Variants in DERA observed in about 807,000 individuals in gnomAD.
DERA encodes 2-deoxy-D-ribose 5-phosphate aldolase.
Under a neutral mutation model 41.1 loss-of-function variants are expected in DERA, and 15 were observed. The ratio of observed to expected loss-of-function variants is 0.37; its 90% confidence interval spans 0.24 to 0.56. The LOEUF is 0.56. Ranked by LOEUF, DERA falls within the 20% of genes least tolerant of loss-of-function variation. The pLI, the probability that DERA is intolerant of heterozygous loss-of-function variation, is 0.81. For synonymous variants in DERA, 139 were observed against 137.4 expected, an observed-to-expected ratio of 1.01 and a Z score of -0.08; for missense variants, 396 against 403.4, an observed-to-expected ratio of 0.98 and a Z score of 0.16.
At chr12:15,951,846 AG>A (rs1948500000) in intron 1 of DERA, among the ~76,000 whole-genome samples, 1 of 152,104 alleles carries the variant, frequency 6.6e-6, no homozygotes, top group Non-Finnish European at 1.5e-5. Context: ...ATTTTTACTG[AG>A]TAATGTATCA....
intron 6 of DERA, among the ~76,000 whole-genome samples, chr12:16,002,824 C>A (rs1468367970): frequency 6.6e-6 from 1 of 152,182 alleles, no homozygotes; most frequent in Non-Finnish European, 1.5e-5. Flanking sequence ...GTGCCAGTTT[C>A]TTGGCTATGT....
chr12:16,007,298 C>T (rs1948918856), intron 6 of DERA, among the ~76,000 whole-genome samples: 3 of 151,886 alleles, frequency 2.0e-5, no homozygotes, highest in Non-Finnish European at 4.4e-5. Context: ...ATTCTTGTGC[C>T]TCAGCCTCCT....
At chr12:15,946,450 G>C (rs1340701365) in intron 1 of DERA, among the ~76,000 whole-genome samples, 1 of 152,150 alleles carries the variant, frequency 6.6e-6, no homozygotes, top group Non-Finnish European at 1.5e-5. Context: ...TCCTGGTTTA[G>C]TCTTGGGAGG....
In DERA at chr12:16,009,459, C is replaced by T. The variant is rs772795564; in HGVS notation, c.638-23083C>T. ...ATACAAAAAATTGGGCCAAGTCAACCCAGAAAACCTCTTCTCAAGAGTAAA... is the reference window on the plus strand; with the variant it reads ...ATACAAAAAATTGGGCCAAGTCAACTCAGAAAACCTCTTCTCAAGAGTAAA... On this transcript the variant is annotated intron_variant, in intron 6 of 8. Transcript: ENST00000428559. The surrounding 1 kb of genome is among the most constrained non-coding windows in gnomAD (Gnocchi z 5.3). Among the ~76,000 whole-genome samples, 1 of 152,056 alleles carries T rather than the reference C, an allele frequency of 6.6e-6. No individual in the cohort carries two copies. The highest frequency in any genetic ancestry group is 1.5e-5 in the Non-Finnish European group (1 of 68,002).
At chr12:16,025,831 C>G (rs529584611) in intron 6 of DERA, among the ~76,000 whole-genome samples, 1 of 152,004 alleles carries the variant, frequency 6.6e-6, no homozygotes, top group Non-Finnish European at 1.5e-5. Flanking sequence ...ATTTAAAAGA[C>G]TGAAAATCAC....
At chr12:16,022,007 T>A (rs1209754770) in intron 6 of DERA, among the ~76,000 whole-genome samples, 1 of 152,182 alleles carries the variant, frequency 6.6e-6, no homozygotes, top group African/African-American at 2.4e-5. Context: ...ATTACTGTGT[T>A]TTGCAATGTG....
At chr12:15,973,168 C>T (rs763870715) in intron 5 of DERA, among the ~76,000 whole-genome samples, 4 of 152,104 alleles carry the variant, frequency 2.6e-5, no homozygotes, top group East Asian at 1.9e-4. Flanking sequence ...GGGAGACAAA[C>T]GGGAGACAAC....
At chr12:16,015,916 AC>A (rs1948978787) in intron 6 of DERA, among the ~76,000 whole-genome samples, 1 of 152,086 alleles carries the variant, frequency 6.6e-6, no homozygotes, top group Non-Finnish European at 1.5e-5. Context: ...TCATGAACTC[AC>A]TTGCTGTGTT....
intron 6 of DERA, among the ~76,000 whole-genome samples, chr12:15,987,543 C>G (rs1948773151): frequency 1.3e-5 from 2 of 151,972 alleles, no homozygotes; most frequent in African/African-American, 4.8e-5. Flanking sequence ...AGCCTAAAAC[C>G]ATATTTTTAA....
At chr12:15,960,857 G>A (rs1236975687) in intron 4 of DERA, among the ~76,000 whole-genome samples, 1 of 152,092 alleles carries the variant, frequency 6.6e-6, no homozygotes, top group East Asian at 1.9e-4. Context: ...CACGTGTGAA[G>A]GCACAAAGCA....
rs2136170106 is a variant in DERA, at chr12:15,995,677, G to A, written c.637+13241G>A. Among the ~76,000 whole-genome samples, 1 of 152,238 alleles carries A rather than the reference G, an allele frequency of 6.6e-6. No individual in the cohort carries two copies. ...AGGAATAGAGTAGGGAGGATGGAGG[G>A]GTATGGGAGAATGGAAGTGGTATCA... On this transcript the variant is annotated intron_variant, in intron 6 of 8. Transcript: ENST00000428559. The surrounding 1 kb of genome is among the most constrained non-coding windows in gnomAD (Gnocchi z 5.1).
chr12:15,917,792 A>G (rs569484235), intron 1 of DERA, among the ~76,000 whole-genome samples: 1 of 152,118 alleles, frequency 6.6e-6, no homozygotes, highest in Non-Finnish European at 1.5e-5. Context: ...GGCTTATCTT[A>G]TAATTTCCCT....
rs1474556614 is a variant in DERA, at chr12:15,993,109, C to T, written c.637+10673C>T. Among the ~76,000 whole-genome samples the T allele has an allele frequency of 3.9e-5, 6 of 151,918 alleles. No individual in the cohort carries two copies. The highest frequency in any genetic ancestry group is 3.4e-3 in the Middle Eastern group (1 of 294). On this transcript the variant is annotated intron_variant, in intron 6 of 8. Coordinates refer to ENST00000428559, the MANE Select transcript of DERA (RefSeq NM_015954.4). The surrounding 1 kb of genome is among the most constrained non-coding windows in gnomAD (Gnocchi z 4.4). ...AAAAGGTAGAATCCAGGGGAGGGAA[C>T]ATTCAAAATTCAACCCAATAAGATC...
At position 16,012,096 on chromosome 12, in the gene DERA, G is replaced by A. The variant is rs1459737406; in HGVS notation, c.638-20446G>A. On this transcript the variant is annotated intron_variant, in intron 6 of 8. Coordinates refer to ENST00000428559, the MANE Select transcript of DERA (RefSeq NM_015954.4). This position sits in a 1 kb window ranked among gnomAD's most constrained non-coding sequence, Gnocchi z 4.1. ...GAAAAGCCTTGTCTTGTACACTGCT[G>A]TGTATGCACTTTATAGAAAAGTACT... Among the ~76,000 whole-genome samples, 1 of 152,216 alleles carries A rather than the reference G, an allele frequency of 6.6e-6. No homozygotes were observed. Among genetic ancestry groups the A allele is most frequent in the Non-Finnish European group, 1.5e-5 (1 of 68,034 alleles).
intron 1 of DERA, among the ~76,000 whole-genome samples, chr12:15,946,413 A>G (rs1287039427): frequency 6.6e-6 from 1 of 152,104 alleles, no homozygotes; most frequent in Non-Finnish European, 1.5e-5. Context: ...AGAGCCTGTT[A>G]TTGGTCTATT....
At chr12:15,916,721 G>T (rs886830396) in intron 1 of DERA, among the ~76,000 whole-genome samples, 1 of 152,122 alleles carries the variant, frequency 6.6e-6, no homozygotes, top group Admixed American at 6.5e-5. Context: ...AAAGTACTGG[G>T]ATTACAGGCA....
Position 15,990,092 on chromosome 12 carries a change from C to T in DERA, c.637+7656C>T, listed in dbSNP as rs1948791856. Among the ~76,000 whole-genome samples the T allele has an allele frequency of 6.6e-6, 1 of 152,090 alleles. No homozygotes were observed. On this transcript the variant is annotated intron_variant, in intron 6 of 8. Transcript: ENST00000428559. This position sits in a 1 kb window ranked among gnomAD's most constrained non-coding sequence, Gnocchi z 4.3. Reference sequence around the variant, plus strand: ...CAAGTTATTGAAAAATATTAGTATACCTTCCTTCTCCATCCTACGTCAATA... The same window carrying T: ...CAAGTTATTGAAAAATATTAGTATATCTTCCTTCTCCATCCTACGTCAATA...
chr12:15,948,947 A>G (rs1165537554), intron 1 of DERA, among the ~76,000 whole-genome samples: 1 of 151,942 alleles, frequency 6.6e-6, no homozygotes, highest in African/African-American at 2.4e-5. Context: ...GGTCTGTTGG[A>G]GTTTGCTGGA....
rs1565588632 is a variant in DERA, at chr12:15,936,892, T to TTGTCTTGTCCC, written c.32-20044_32-20043insTGTCTTGTCCC. Reference sequence around the variant, plus strand: ...TGTCTTGTCTTGTCTTGTCTTGTCCTGTCCTGTCCTGTCCTGTCCTGTCCT... The same window carrying TTGTCTTGTCCC: ...TGTCTTGTCTTGTCTTGTCTTGTCCTTGTCTTGTCCCGTCCTGTCCTGTCCTGTCCTGTCCT... On this transcript the variant is annotated intron_variant, in intron 1 of 8. Coordinates refer to ENST00000428559, the MANE Select transcript of DERA (RefSeq NM_015954.4). The surrounding 1 kb of genome is among the most constrained non-coding windows in gnomAD (Gnocchi z 4.6). Among the ~76,000 whole-genome samples the TTGTCTTGTCCC allele has an allele frequency of 7.9e-6, 1 of 126,670 alleles. No individual in the cohort carries two copies. The highest frequency in any genetic ancestry group is 1.6e-5 in the Non-Finnish European group (1 of 60,868). 83.1% of individuals were successfully genotyped at this position (126,670 alleles called of 152,430 possible).
Sources: allele counts gnomAD v4.1 joint callset (sites outside exome capture counted in the v4.1 genomes callset), GRCh38; gene constraint gnomAD v4.1.1; non-coding constraint Gnocchi (gnomAD v3.1); transcripts MANE v1.5; gene names NCBI Gene and HGNC (gene_info 2026-07-23, HGNC 2026-07-21).